Variants in ABI3BP observed in about 807,000 individuals in gnomAD.
ABI3BP encodes the protein target of Nesh-SH3.
Under a neutral mutation model 268.6 loss-of-function variants are expected in ABI3BP, and 216 were observed. That is an observed-to-expected ratio of 0.80 (90% CI 0.72 to 0.90). The LOEUF (loss-of-function observed/expected upper bound fraction) is 0.90. Among genes scored for constraint, ABI3BP ranks in the 40% least tolerant of loss-of-function variants. The pLI, the probability that ABI3BP is intolerant of heterozygous loss-of-function variation, is 0.00. For synonymous variants in ABI3BP, 730 were observed against 730.0 expected (o/e 1.00, Z 0.00); for missense variants, 2,090 against 2,182.4 (o/e 0.96, Z 0.84).
At chr3:100,959,484 C>T (rs71315217) in intron 1 of ABI3BP, among the ~76,000 whole-genome samples, 11,816 of 108,564 alleles carry the variant, frequency 0.11, 763 homozygotes, top group Non-Finnish European at 0.15. Flanking sequence ...AGCGAGACTC[C>T]GTCTCAAAAA....
At chr3:100,819,052 G>A (rs9879088) in intron 40 of ABI3BP, among the ~76,000 whole-genome samples, 68,477 of 151,954 alleles carry the variant, frequency 0.45, 16,779 homozygotes, top group African/African-American at 0.67. Context: ...AAGGCACTCA[G>A]CAAATCAGGA....
intron 12 of ABI3BP, 92 bp from the exon 13 acceptor site, chr3:100,863,001 C>T: frequency 2.3e-6 from 2 of 859,188 alleles, no homozygotes; most frequent in East Asian, 5.3e-5. Context: ...CAAAAGCAAA[C>T]ACAAAAAGGC....
chr3:100,971,400 T>A (rs2083514027), intron 1 of ABI3BP, among the ~76,000 whole-genome samples: 1 of 152,180 alleles, frequency 6.6e-6, no homozygotes, highest in South Asian at 2.1e-4. Flanking sequence ...TTCAAGAGAA[T>A]AAGTATGGCA....
chr3:100,825,653 A>C (rs2152729993), intron 35 of ABI3BP, 132 bp downstream of exon 35: 2 of 721,262 alleles, frequency 2.8e-6, no homozygotes, highest in East Asian at 5.4e-5. Context: ...AAATAGTTGA[A>C]TGGTCACAGG....
chr3:100,833,873 A>G (rs1001697213), intron 29 of ABI3BP, among the ~76,000 whole-genome samples: 5 of 152,190 alleles, frequency 3.3e-5, no homozygotes, highest in Admixed American at 2.6e-4. Flanking sequence ...ATCAGGTTGC[A>G]CTTGCAATTC....
intron 1 of ABI3BP, among the ~76,000 whole-genome samples, chr3:100,983,302 T>A (rs2090446512): frequency 6.6e-6 from 1 of 152,196 alleles, no homozygotes; most frequent in African/African-American, 2.4e-5. Flanking sequence ...TGCTACATGC[T>A]GAAAAATTAT....
At chr3:100,952,094 T>C (rs2075281940) in intron 1 of ABI3BP, among the ~76,000 whole-genome samples, 1 of 152,286 alleles carries the variant, frequency 6.6e-6, no homozygotes, top group African/African-American at 2.4e-5. Flanking sequence ...TTCTGATCTC[T>C]AAGGGGAAAA....
intron 2 of ABI3BP, among the ~76,000 whole-genome samples, chr3:100,905,607 T>A (rs1360832518): frequency 1.3e-5 from 2 of 152,064 alleles, no homozygotes; most frequent in Non-Finnish European, 2.9e-5. Flanking sequence ...TGTGCACATA[T>A]TAAGAAGTGA....
At chr3:100,915,162 A>T (rs1386327866) in intron 2 of ABI3BP, among the ~76,000 whole-genome samples, 5 of 151,944 alleles carry the variant, frequency 3.3e-5, no homozygotes, top group Non-Finnish European at 5.9e-5. Flanking sequence ...CCCTCCACTT[A>T]CTATCTCCCT....
chr3:100,801,626 T>C (rs2097539875), intron 51 of ABI3BP, among the ~76,000 whole-genome samples: 1 of 152,134 alleles, frequency 6.6e-6, no homozygotes, highest in Non-Finnish European at 1.5e-5. Flanking sequence ...ACTCCTGATT[T>C]GAATTCTCAT....
At chr3:100,943,659 G>A (rs1310851330) in intron 1 of ABI3BP, among the ~76,000 whole-genome samples, 2 of 152,092 alleles carry the variant, frequency 1.3e-5, no homozygotes, top group Admixed American at 6.6e-5. Context: ...CACACAGTAT[G>A]TAGTCTTTCA....
At chr3:100,793,086 G>T (rs1370551123) in intron 54 of ABI3BP, among the ~76,000 whole-genome samples, 1 of 151,692 alleles carries the variant, frequency 6.6e-6, no homozygotes, top group Non-Finnish European at 1.5e-5. Context: ...TAGTTGCCTC[G>T]ATGTATTTAT....
intron 2 of ABI3BP, among the ~76,000 whole-genome samples, chr3:100,920,619 T>C (rs1010999073): frequency 5.3e-5 from 8 of 152,092 alleles, no homozygotes; most frequent in African/African-American, 1.9e-4. Flanking sequence ...GACAGGGTTT[T>C]ACTATCTTGG....
chr3:100,876,332 G>A (rs2099160721), intron 7 of ABI3BP, among the ~76,000 whole-genome samples, 180 bp downstream of exon 7: 1 of 151,832 alleles, frequency 6.6e-6, no homozygotes, highest in Admixed American at 6.6e-5. Context: ...TTGGTGTATT[G>A]GTAAAAGAGC....
At chr3:100,904,911 G>T (rs1404356309) in intron 2 of ABI3BP, among the ~76,000 whole-genome samples, 2 of 152,134 alleles carry the variant, frequency 1.3e-5, no homozygotes, top group Non-Finnish European at 2.9e-5. Context: ...CCATTACTGG[G>T]TATATACCCA....
intron 20 of ABI3BP, chr3:100,843,834 A>C: frequency 1.0e-6 from 1 of 985,272 alleles, no homozygotes; most frequent in Non-Finnish European, 1.2e-6. Flanking sequence ...TTGATTCTAC[A>C]AAGTTGCCTT....
At chr3:100,838,761 C>A (rs922391995) in intron 24 of ABI3BP, among the ~76,000 whole-genome samples, 15 of 152,214 alleles carry the variant, frequency 9.9e-5, no homozygotes, top group African/African-American at 3.6e-4. Context: ...TATATTAGTT[C>A]TATGTCTTTG....
intron 59 of ABI3BP, 128 bp from the exon 60 acceptor site, chr3:100,775,463 G>A: frequency 2.5e-6 from 3 of 1,203,082 alleles, no homozygotes; most frequent in Non-Finnish European, 3.5e-6. Flanking sequence ...CAGGCTTGGA[G>A]AGAAAACAAG....
rs1431019086 is a variant in ABI3BP at position 100,844,266 on chromosome 3, T to C, written c.1723+2106A>G. 6 of 985,294 alleles carry C rather than the reference T, an allele frequency of 6.1e-6. No individual in the cohort carries two copies. In the African/African-American group the frequency reaches 1.0e-4, roughly 17 times the overall value. 61.0% of individuals were successfully genotyped at this position (985,294 alleles called of 1,614,324 possible). ...GGTCAAGTGAAACAAACACCTGTAA[T>C]TGGGGGCACCCCCTTATTTTCAGTC... On this transcript the variant is annotated intron_variant, in intron 20 of 67. Coordinates refer to ENST00000471714, the MANE Select transcript of ABI3BP (RefSeq NM_001375547.2).
Sources: gnomAD v4.1 joint callset for allele counts (sites outside exome capture counted in the v4.1 genomes callset) on GRCh38, gnomAD v4.1.1 for gene constraint, MANE v1.5 for transcripts, NCBI Gene and HGNC (gene_info 2026-07-23, HGNC 2026-07-21) for gene names.